Variants in SELENOI observed in about 807,000 individuals in gnomAD.
SELENOI encodes selenoprotein I.
In SELENOI, 24 loss-of-function variants were observed where a neutral mutation model predicts 50.7. The observed-to-expected ratio is 0.47, with a 90% CI of 0.34 to 0.67. SELENOI has a LOEUF of 0.67. Among genes scored for constraint, SELENOI ranks in the 30% least tolerant of loss-of-function variants. The probability of loss-of-function intolerance (pLI) is 0.01; values close to 1 mark genes in which losing one functional copy is unlikely to be tolerated. For synonymous variants in SELENOI, 155 were observed against 170.2 expected, an observed-to-expected ratio of 0.91 and a Z score of 0.70; for missense variants, 352 against 461.4, an observed-to-expected ratio of 0.76 and a Z score of 2.17.
intron 1 of SELENOI, among the ~76,000 whole-genome samples, chr2:26,353,528 ACTTAT>A (rs928640558): frequency 2.6e-5 from 4 of 152,206 alleles, no homozygotes; most frequent in African/African-American, 7.2e-5. Context: ...TTGAAGCATA[ACTTAT>A]CTTTAATTGT....
intron 1 of SELENOI, among the ~76,000 whole-genome samples, chr2:26,357,509 A>T (rs1403270813): frequency 1.3e-5 from 2 of 152,206 alleles, no homozygotes; most frequent in African/African-American, 4.8e-5. Flanking sequence ...TACGGAGGCT[A>T]GAAGTGTAGA....
At chr2:26,368,656 T>G in intron 4 of SELENOI, among the ~76,000 whole-genome samples, 1 of 152,170 alleles carries the variant, frequency 6.6e-6, no homozygotes, top group East Asian at 1.9e-4. Context: ...CTGAATTACC[T>G]TTTTAAGAAA....
chr2:26,391,118 A>C lies in SELENOI; in HGVS notation c.*2015A>C, dbSNP rs1677957461. ...ATAGTTTGGGGGCCCTTTTACTTCAAAGGTGTGTTTCTGCCCTCTTTTGGT... is the reference window on the plus strand; with the variant it reads ...ATAGTTTGGGGGCCCTTTTACTTCACAGGTGTGTTTCTGCCCTCTTTTGGT... On this transcript the variant is annotated 3_prime_UTR_variant, in exon 10 of 10. Coordinates refer to ENST00000260585, the MANE Select transcript of SELENOI (RefSeq NM_033505.4). 1.3e-5 allele frequency: 2 copies of C among 152,298 alleles called. No homozygotes were observed. The highest frequency in any genetic ancestry group is 6.7e-3 in the Middle Eastern group (2 of 298). 9.4% of individuals were successfully genotyped at this position (152,298 alleles called of 1,614,324 possible).
rs1678012862 is a variant in SELENOI, at chr2:26,393,380, T to C, written c.*4277T>C. The C allele has an allele frequency of 6.6e-6, 1 of 152,616 alleles. No individual in the cohort carries two copies. The highest frequency in any genetic ancestry group is 2.4e-5 in the African/African-American group (1 of 41,452). The allele number at this position is 152,616 out of a possible 1,614,324, so 9.5% of individuals were successfully genotyped here. The stretch of plus-strand genomic sequence containing the variant: ...CAAATATGCAATAGATAGTAATCTA[T>C]CTACTTTTTTTAAAGCAGGGATCTG... On this transcript the variant is annotated 3_prime_UTR_variant, in exon 10 of 10. Transcript: ENST00000260585.
At chr2:26,348,763 A>C (rs1257404612) in intron 1 of SELENOI, among the ~76,000 whole-genome samples, 1 of 151,882 alleles carries the variant, frequency 6.6e-6, no homozygotes, top group Admixed American at 6.6e-5. Context: ...GTGCTAAACA[A>C]ATATTGAAGG....
At chr2:26,346,909 T>C (rs1438845935) in intron 1 of SELENOI, 1 of 152,272 alleles carries the variant, frequency 6.6e-6, no homozygotes, top group East Asian at 1.9e-4. Flanking sequence ...TATTTCGTCT[T>C]GGGCACGTCA....
intron 8 of SELENOI, 29 bp from the exon 9 acceptor site, chr2:26,386,323 TTC>T (rs1231101617): frequency 1.9e-6 from 3 of 1,582,758 alleles, no homozygotes; most frequent in Non-Finnish European, 2.6e-6. Context: ...TTTTCTTTTT[TTC>T]TCTCTTATTT....
intron 6 of SELENOI, among the ~76,000 whole-genome samples, chr2:26,382,932 G>C (rs1677738573): frequency 6.6e-6 from 1 of 152,080 alleles, no homozygotes; most frequent in African/African-American, 2.4e-5. Context: ...ACTGTTCTAG[G>C]TATCTTAACA....
chr2:26,365,682 T>A (rs1260708736), intron 3 of SELENOI, among the ~76,000 whole-genome samples: 1 of 152,210 alleles, frequency 6.6e-6, no homozygotes. Flanking sequence ...GTGTTAGTGT[T>A]ATAATTCATC....
At chr2:26,384,566 C>T (rs931053550) in intron 7 of SELENOI, among the ~76,000 whole-genome samples, 4 of 152,144 alleles carry the variant, frequency 2.6e-5, no homozygotes, top group African/African-American at 9.7e-5. Flanking sequence ...GTGTCAAAGC[C>T]GCACTTTGAG....
chr2:26,373,376 A>T lies in SELENOI; in HGVS notation c.320A>T (p.Asp107Val). Residue 107 changes from aspartate (D) to valine (V), a missense_variant, in exon 5 of 10, where the codon GAC (aspartate) becomes GTC (valine). Transcript: ENST00000260585. ...NFVAYTLDGV[D>V]GKQARRTNSS... The stretch of plus-strand genomic sequence containing the variant: ...TTTGTTTTTGTTGCAGATGGTGTGG[A>T]CGGAAAGCAAGCTCGCAGAACCAAT... 6.2e-7 allele frequency: 1 copy of T among 1,609,270 alleles called. No individual in the cohort carries two copies. Among genetic ancestry groups the T allele is most frequent in the Non-Finnish European group, 8.5e-7 (1 of 1,177,342 alleles).
At chr2:26,369,577 C>T (rs903707651) in intron 4 of SELENOI, among the ~76,000 whole-genome samples, 1 of 152,182 alleles carries the variant, frequency 6.6e-6, no homozygotes, top group African/African-American at 2.4e-5. Context: ...ATTCCTACTG[C>T]ATTTCATCTC....
In SELENOI at chr2:26,392,957, A is replaced by G. The variant is rs1190947234; in HGVS notation, c.*3854A>G. The G allele has an allele frequency of 1.3e-5, 2 of 152,360 alleles. No homozygotes were observed. The highest frequency in any genetic ancestry group is 2.4e-5 in the African/African-American group (1 of 41,466). 9.4% of individuals were successfully genotyped at this position (152,360 alleles called of 1,614,324 possible). On this transcript the variant is annotated 3_prime_UTR_variant, in exon 10 of 10. Transcript: ENST00000260585. The stretch of plus-strand genomic sequence containing the variant: ...GGAAGAATTTTAACTAGTATGCTAC[A>G]TTTGAAGCACTCTGACATGTACATT...
chr2:26,365,894 C>A (rs555266111), intron 3 of SELENOI, among the ~76,000 whole-genome samples: 107 of 149,986 alleles, frequency 7.1e-4, no homozygotes, highest in Admixed American at 1.6e-3. Context: ...CTCTGCCTCC[C>A]AGGTTCAAGC....
intron 1 of SELENOI, 73 bp from the exon 2 acceptor site, chr2:26,364,229 C>T (rs1677241758): frequency 1.8e-6 from 2 of 1,113,664 alleles, no homozygotes; most frequent in Non-Finnish European, 2.6e-6. Flanking sequence ...CTATTATTTT[C>T]ACCTAAGAAA....
rs74754198 is a variant in SELENOI at position 26,374,048 on chromosome 2, G to A, written c.573+419G>A. Among the ~76,000 whole-genome samples the A allele has an allele frequency of 3.5e-3, 535 of 152,034 alleles. 17 individuals are homozygous for A. In the East Asian group the frequency reaches 0.073, roughly 21 times the overall value. ...ATTACAGGCATGAGCCACCGTGCTC[G>A]ACCCTTCTCAATTATTTTAAAGGAA... On this transcript the variant is annotated intron_variant, in intron 5 of 9. Coordinates refer to ENST00000260585, the MANE Select transcript of SELENOI (RefSeq NM_033505.4).
chr2:26,369,068 A>T (rs1677351584), intron 4 of SELENOI, among the ~76,000 whole-genome samples: 1 of 152,234 alleles, frequency 6.6e-6, no homozygotes, highest in Admixed American at 6.5e-5. Flanking sequence ...GCCTAATTCT[A>T]ATGCACTAGT....
chr2:26,373,245 G>A, intron 4 of SELENOI, 122 bp from the exon 5 acceptor site: 1 of 1,176,064 alleles, frequency 8.5e-7, no homozygotes, highest in Non-Finnish European at 1.2e-6. Flanking sequence ...CCAGCTGATA[G>A]CTATACTTAA....
chr2:26,350,667 C>T (rs1311297412), intron 1 of SELENOI, among the ~76,000 whole-genome samples: 2 of 152,198 alleles, frequency 1.3e-5, no homozygotes, highest in Middle Eastern at 3.4e-3. Context: ...TGTAAATGAA[C>T]AGTTATAAAA....
Sources: allele counts gnomAD v4.1 joint callset (sites outside exome capture counted in the v4.1 genomes callset), GRCh38; gene constraint gnomAD v4.1.1; transcripts MANE v1.5; gene names NCBI Gene and HGNC (gene_info 2026-07-23, HGNC 2026-07-21).